Variants in LINGO2 observed in about 807,000 individuals in gnomAD.
The protein encoded by LINGO2 is leucine-rich repeat and immunoglobulin-like domain-containing nogo receptor-interacting protein 2.
Under a neutral mutation model 30.6 loss-of-function variants are expected in LINGO2, and 14 were observed. The observed-to-expected ratio is 0.46, with a 90% CI of 0.30 to 0.72. The LOEUF (loss-of-function observed/expected upper bound fraction) is 0.72, where lower values mean the gene tolerates loss of function less well. LINGO2 is among the 30% of genes least tolerant of loss of function. The probability of loss-of-function intolerance (pLI) is 0.07; values close to 1 mark genes in which losing one functional copy is unlikely to be tolerated. For missense variants in LINGO2, 729 were observed against 751.7 expected, an observed-to-expected ratio of 0.97 and a Z score of 0.35; for synonymous variants, 317 against 288.5, an observed-to-expected ratio of 1.10 and a Z score of -1.00.
chr9:27,990,976 C>T (rs1223523502), intron 5 of LINGO2, among the ~76,000 whole-genome samples: 4 of 151,974 alleles, frequency 2.6e-5, no homozygotes, highest in African/African-American at 4.8e-5. Context: ...CCACTTTCCA[C>T]GGGGAAGGCA....
chr9:28,231,796 G>C (rs1230381006), intron 4 of LINGO2, among the ~76,000 whole-genome samples: 1 of 151,966 alleles, frequency 6.6e-6, no homozygotes, highest in African/African-American at 2.4e-5. Context: ...AACACACTCA[G>C]TTTCAATGAT....
intron 2 of LINGO2, among the ~76,000 whole-genome samples, chr9:28,405,116 G>C (rs935962015): frequency 1.3e-5 from 2 of 151,938 alleles, no homozygotes; most frequent in Non-Finnish European, 2.9e-5. Context: ...CCCTGCCAAG[G>C]GATCTTATTG....
At chr9:28,396,339 T>C (rs938560916) in intron 2 of LINGO2, among the ~76,000 whole-genome samples, 1 of 152,120 alleles carries the variant, frequency 6.6e-6, no homozygotes, top group Non-Finnish European at 1.5e-5. Flanking sequence ...GTCAGAATAT[T>C]TTATTATTTT....
chr9:28,255,859 C>T (rs953136288), intron 4 of LINGO2, among the ~76,000 whole-genome samples: 1 of 152,054 alleles, frequency 6.6e-6, no homozygotes, highest in Admixed American at 6.6e-5. Context: ...GATACAACTG[C>T]AAATTCTTGT....
At chr9:28,637,235 T>G (rs1375399321) in intron 1 of LINGO2, among the ~76,000 whole-genome samples, 1 of 152,190 alleles carries the variant, frequency 6.6e-6, no homozygotes, top group Non-Finnish European at 1.5e-5. Flanking sequence ...CCTTGTAGTA[T>G]AGTTTGAAAT....
At chr9:28,025,950 G>T (rs1823355209) in intron 4 of LINGO2, among the ~76,000 whole-genome samples, 1 of 152,164 alleles carries the variant, frequency 6.6e-6, no homozygotes, top group African/African-American at 2.4e-5. Context: ...TCCTTCAGTG[G>T]CTTTCCATTT....
chr9:28,582,204 C>G (rs1824291582), intron 1 of LINGO2, among the ~76,000 whole-genome samples: 1 of 152,004 alleles, frequency 6.6e-6, no homozygotes. Context: ...AAGTAAATAT[C>G]TGGATAATTC....
At chr9:27,955,673 C>T (rs1353658823) in intron 5 of LINGO2, among the ~76,000 whole-genome samples, 1 of 101,338 alleles carries the variant, frequency 9.9e-6, no homozygotes, top group Non-Finnish European at 2.4e-5. Flanking sequence ...TGTTTTGTCA[C>T]AACTTGCTAT....
chr9:28,431,389 G>GAGA (rs1823671123), intron 2 of LINGO2, among the ~76,000 whole-genome samples: 1 of 152,014 alleles, frequency 6.6e-6, no homozygotes, highest in Non-Finnish European at 1.5e-5. Context: ...AAAGGAAGAA[G>GAGA]AGAAGAAGGG....
intron 4 of LINGO2, among the ~76,000 whole-genome samples, chr9:28,036,920 A>G (rs1036136666): frequency 1.3e-5 from 2 of 152,220 alleles, no homozygotes; most frequent in Admixed American, 6.5e-5. Context: ...CTGGAAAAAT[A>G]GAAGGTTCTC....
rs377663315 is a variant in LINGO2 at position 28,358,641 on chromosome 9, C to T, written c.-246+14195G>A. Reference sequence around the variant, plus strand: ...TATGGGCTACAGGCAGAAAATGGAACTTCTCTGTGCTTCAGTTTCCTCATT... The same window carrying T: ...TATGGGCTACAGGCAGAAAATGGAATTTCTCTGTGCTTCAGTTTCCTCATT... On this transcript the variant is annotated intron_variant, in intron 3 of 5. Transcript: ENST00000379992. Among the ~76,000 whole-genome samples the T allele has an allele frequency of 6.6e-5, 10 of 152,230 alleles. No homozygotes were observed. In the South Asian group the frequency reaches 8.3e-4, roughly 13 times the overall value.
chr9:29,201,762 G>A, the LINGO2 span, among the ~76,000 whole-genome samples: 1 of 151,952 alleles, frequency 6.6e-6, no homozygotes, highest in Non-Finnish European at 1.5e-5. Flanking sequence ...TGTAGGTACT[G>A]AGCACACAAA....
intron 1 of LINGO2, among the ~76,000 whole-genome samples, chr9:28,578,715 A>C (rs1421641577): frequency 2.0e-5 from 3 of 152,162 alleles, no homozygotes; most frequent in Non-Finnish European, 4.4e-5. Flanking sequence ...ACAAAGATCA[A>C]GCTTTGCCTT....
chr9:28,034,390 A>G (rs1823831614), intron 4 of LINGO2, among the ~76,000 whole-genome samples: 1 of 152,132 alleles, frequency 6.6e-6, no homozygotes, highest in Non-Finnish European at 1.5e-5. Flanking sequence ...TTCTCTTGCT[A>G]GGGAGCATTT....
the LINGO2 span, among the ~76,000 whole-genome samples, chr9:28,873,876 T>TA: frequency 4.7e-4 from 71 of 151,362 alleles, no homozygotes; most frequent in African/African-American, 1.6e-3. Flanking sequence ...AAAACTAAAA[T>TA]AAAAAAATAT....
chr9:28,822,619 G>A, the LINGO2 span, among the ~76,000 whole-genome samples: 1 of 152,104 alleles, frequency 6.6e-6, no homozygotes, highest in Non-Finnish European at 1.5e-5. Flanking sequence ...AGACTAGACT[G>A]GCCTAGCCTC....
the LINGO2 span, among the ~76,000 whole-genome samples, chr9:28,738,352 C>T: frequency 6.6e-6 from 1 of 152,114 alleles, no homozygotes; most frequent in Non-Finnish European, 1.5e-5. Flanking sequence ...TATTAATACA[C>T]ATATTCACTT....
intron 3 of LINGO2, among the ~76,000 whole-genome samples, chr9:28,310,567 G>A (rs994947275): frequency 1.3e-5 from 2 of 152,092 alleles, no homozygotes; most frequent in Non-Finnish European, 2.9e-5. Flanking sequence ...GCCTGAGGAC[G>A]CAGAGAGGAA....
the LINGO2 span, among the ~76,000 whole-genome samples, chr9:28,946,791 G>C: frequency 1.2e-3 from 178 of 152,154 alleles, 1 homozygote; most frequent in African/African-American, 4.2e-3. Flanking sequence ...ACAGAAGCAA[G>C]ACTATAGGCA....
Sources: allele counts gnomAD v4.1 joint callset (sites outside exome capture counted in the v4.1 genomes callset), GRCh38; gene constraint gnomAD v4.1.1; transcripts MANE v1.5; gene names NCBI Gene and HGNC (gene_info 2026-07-23, HGNC 2026-07-21).